Variants in HNF1A observed in about 807,000 individuals in gnomAD.
HNF1A encodes HNF1 homeobox A, also known as hepatocyte nuclear factor 1-alpha.
HNF1A carries 21 observed loss-of-function variants against 62.2 expected under a neutral mutation model. That is an observed-to-expected ratio of 0.34 (90% CI 0.24 to 0.49). The LOEUF is 0.49. Ranked by LOEUF, HNF1A falls within the 20% of genes least tolerant of loss-of-function variation. The probability of loss-of-function intolerance (pLI) is 0.99; values close to 1 mark genes in which losing one functional copy is unlikely to be tolerated. For synonymous variants in HNF1A, 374 were observed against 366.8 expected (o/e 1.02, Z -0.22); for missense variants, 687 against 832.3 (o/e 0.83, Z 2.15).
At chr12:120,985,505 G>T (rs1876465445) in intron 1 of HNF1A, among the ~76,000 whole-genome samples, 1 of 148,686 alleles carries the variant, frequency 6.7e-6, no homozygotes, top group South Asian at 2.1e-4. Flanking sequence ...ATAGAAAAAA[G>T]AAGAAAAAGT....
chr12:120,981,551 A>C (rs1456619451), intron 1 of HNF1A, among the ~76,000 whole-genome samples: 1 of 151,976 alleles, frequency 6.6e-6, no homozygotes, highest in East Asian at 1.9e-4. Flanking sequence ...TGCTGCAGTC[A>C]TTTTGGCTTT....
intron 4 of HNF1A, among the ~76,000 whole-genome samples, chr12:120,995,642 T>C (rs1255672385): frequency 1.3e-5 from 2 of 151,244 alleles, no homozygotes; most frequent in Non-Finnish European, 3.0e-5. Flanking sequence ...TCCACTGTGT[T>C]CACACAACTC....
Position 121,001,613 on chromosome 12 carries a change from G to C in HNF1A, c.*421G>C, listed in dbSNP as rs895780630. ...CAGGCCTGTGTAGCTGTGACCTGCT[G>C]AGCTCTGAGAGGCCCTGGATCAGCG... On this transcript the variant is annotated 3_prime_UTR_variant, in exon 10 of 10. Transcript: ENST00000257555. 11 of 440,004 alleles carry C rather than the reference G, an allele frequency of 2.5e-5. No individual in the cohort carries two copies. The East Asian group carries it at 4.4e-4, about 18-fold the overall frequency. The allele number at this position is 440,004 out of a possible 1,614,324, so 27.3% of individuals were successfully genotyped here. A position where few individuals can be genotyped will look rare whatever the true frequency, so the allele number is the denominator to read the frequency against.
chr12:120,992,218 CTCTTT>C (rs144081510), intron 2 of HNF1A, among the ~76,000 whole-genome samples: 1,613 of 152,290 alleles, frequency 0.011, 8 homozygotes, highest in Non-Finnish European at 0.018. Flanking sequence ...CATTTCTTGA[CTCTTT>C]TCTTTTTTGT....
intron 2 of HNF1A, among the ~76,000 whole-genome samples, chr12:120,989,474 G>C (rs1876705252): frequency 6.6e-6 from 1 of 152,084 alleles, no homozygotes; most frequent in South Asian, 2.1e-4. Context: ...TGGCCAGGCT[G>C]GTCTCGAACT....
chr12:121,002,408 G>A lies in HNF1A; in HGVS notation c.*1216G>A. ...GTACCGCGTCTACCCTGGGATTCAG[G>A]AAAAGGCCTGGGGTGACCCGGCACC... is the stretch of plus-strand genomic sequence containing the variant. On this transcript the variant is annotated 3_prime_UTR_variant, in exon 10 of 10. Transcript: ENST00000257555. 1.9e-6 allele frequency: 1 copy of A among 529,466 alleles called. No homozygotes were observed. Among genetic ancestry groups the A allele is most frequent in the Non-Finnish European group, 3.7e-6 (1 of 273,932 alleles). 32.8% of individuals were successfully genotyped at this position (529,466 alleles called of 1,614,324 possible). A position where few individuals can be genotyped will look rare whatever the true frequency, so the allele number is the denominator to read the frequency against.
At position 120,978,924 on chromosome 12, in the gene HNF1A, C is replaced by A. The variant is rs150195625; in HGVS notation, c.156C>A (p.Gly52=). ...TGGACAAGGGGGAGTCCTGCGGCGGCGGTCGAGGGGAGCTGGCTGAGCTGC... is the reference window on the plus strand; with the variant it reads ...TGGACAAGGGGGAGTCCTGCGGCGGAGGTCGAGGGGAGCTGGCTGAGCTGC... The part of the protein sequence containing the change: ...GPLDKGESCG[G]GRGELAELPN... The change falls in exon 1 of 10, where the codon GGC becomes GGA. Residue 52 remains glycine (G), a synonymous_variant. Coordinates refer to ENST00000257555, the MANE Select transcript of HNF1A (RefSeq NM_000545.8). 3.1e-6 allele frequency: 5 copies of A among 1,610,866 alleles called. No individual in the cohort carries two copies. The East Asian group carries it at 8.9e-5, about 29-fold the overall frequency.
At position 121,001,778 on chromosome 12, in the gene HNF1A, G is replaced by C. The variant is rs1302939106; in HGVS notation, c.*586G>C. ...TTTCCTGGGTGGCTACTCTGTGCCA[G>C]AGCCTGGGGCTCTAACGCCTGAGCC... On this transcript the variant is annotated 3_prime_UTR_variant, in exon 10 of 10. Transcript: ENST00000257555. 3.7e-6 allele frequency: 2 copies of C among 536,144 alleles called. No homozygotes were observed. The highest frequency in any genetic ancestry group is 3.7e-5 in the African/African-American group (2 of 53,960). The allele number at this position is 536,144 out of a possible 1,614,324, so 33.2% of individuals were successfully genotyped here. A position where few individuals can be genotyped will look rare whatever the true frequency, so the allele number is the denominator to read the frequency against.
intron 1 of HNF1A, among the ~76,000 whole-genome samples, chr12:120,988,304 CCATCCATCCAT>C (rs1412290511): frequency 4.9e-4 from 74 of 150,132 alleles, no homozygotes; most frequent in African/African-American, 1.8e-3. Context: ...ATCCAACCAT[CCATCCATCCAT>C]CATCCATCCA....
intron 9 of HNF1A, 187 bp from the exon 10 acceptor site, chr12:121,000,878 C>T (rs939202215): frequency 1.6e-4 from 116 of 743,888 alleles, no homozygotes; most frequent in Middle Eastern, 1.5e-3. Flanking sequence ...CATGGGCGGC[C>T]GTGGACCCTG....
chr12:120,987,516 T>A (rs2708087), intron 1 of HNF1A, among the ~76,000 whole-genome samples: 5,078 of 146,212 alleles, frequency 0.035, 136 homozygotes, highest in African/African-American at 0.074. Flanking sequence ...AAAACCAGCC[T>A]CCTGTTCTGG....
In HNF1A at chr12:120,997,487, G is replaced by A. The variant is rs138996307; in HGVS notation, c.1323G>A (p.Thr441=). The A allele has an allele frequency of 1.4e-4, 224 of 1,608,598 alleles. No individual in the cohort carries two copies. In the African/African-American group the frequency reaches 2.1e-3, roughly 15 times the overall value. Reference sequence around the variant, plus strand: ...CTTCCACTCCAGGCCTGGCCTCCACGCAGGCACAGAGTGTGCCGGTCATCA... The same window carrying A: ...CTTCCACTCCAGGCCTGGCCTCCACACAGGCACAGAGTGTGCCGGTCATCA... ...ASTLVIGLAS[T]QAQSVPVINS... Residue 441 remains threonine, a synonymous_variant, in exon 7 of 10, where the codon ACG becomes ACA. Transcript: ENST00000257555.
At chr12:120,993,380 A>T in intron 2 of HNF1A, 140 bp from the exon 3 acceptor site, 1 of 785,438 alleles carries the variant, frequency 1.3e-6, no homozygotes, top group Non-Finnish European at 2.2e-6. Flanking sequence ...TCAGTAGATT[A>T]GATGATTTCT....
In HNF1A at chr12:121,002,427, C is replaced by A. The variant is rs1039663997; in HGVS notation, c.*1235C>A. 1.9e-6 allele frequency: 1 copy of A among 531,496 alleles called. No homozygotes were observed. The highest frequency in any genetic ancestry group is 3.6e-6 in the Non-Finnish European group (1 of 273,998). 32.9% of individuals were successfully genotyped at this position (531,496 alleles called of 1,614,324 possible). The stretch of plus-strand genomic sequence containing the variant: ...ATTCAGGAAAAGGCCTGGGGTGACC[C>A]GGCACCCCCTGCAGCTTGTAGCCAG... On this transcript the variant is annotated 3_prime_UTR_variant, in exon 10 of 10. Transcript: ENST00000257555.
intron 1 of HNF1A, among the ~76,000 whole-genome samples, chr12:120,988,541 A>T (rs1671752168): frequency 6.6e-6 from 1 of 152,168 alleles, no homozygotes; most frequent in Admixed American, 6.5e-5. Flanking sequence ...CCATGTTTCT[A>T]AACCTTTATC....
At chr12:120,991,636 T>C (rs907679351) in intron 2 of HNF1A, among the ~76,000 whole-genome samples, 89 of 119,682 alleles carry the variant, frequency 7.4e-4, no homozygotes, top group African/African-American at 2.7e-3. Context: ...ATGATGTATG[T>C]ATGTATGCAT....
At chr12:120,999,960 T>C (rs928294509) in intron 9 of HNF1A, among the ~76,000 whole-genome samples, 1 of 152,228 alleles carries the variant, frequency 6.6e-6, no homozygotes, top group Non-Finnish European at 1.5e-5. Flanking sequence ...TTGGTTTGGC[T>C]TGGCTCAGGG....
intron 7 of HNF1A, chr12:120,998,280 CAAA>C (rs36059178): frequency 7.1e-5 from 10 of 140,262 alleles, no homozygotes; most frequent in Non-Finnish European, 1.2e-4. Flanking sequence ...AGTACTCTGC[CAAA>C]AAAAAAAAAA....
intron 1 of HNF1A, among the ~76,000 whole-genome samples, chr12:120,986,612 C>T (rs1259306384): frequency 6.6e-6 from 1 of 152,192 alleles, no homozygotes; most frequent in South Asian, 2.1e-4. Context: ...CGGAGTCTCA[C>T]TCTGTTGCCC....
Sources: allele counts gnomAD v4.1 joint callset (sites outside exome capture counted in the v4.1 genomes callset), GRCh38; gene constraint gnomAD v4.1.1; transcripts MANE v1.5; gene names NCBI Gene and HGNC (gene_info 2026-07-23, HGNC 2026-07-21).